Variants in GJA3 observed in about 807,000 individuals in gnomAD.
The protein encoded by GJA3 is gap junction protein alpha 3.
For missense variants in GJA3, 571 were observed against 620.3 expected (o/e 0.92, Z 0.84); for synonymous variants, 297 against 292.6 (o/e 1.02, Z -0.15).
At position 20,138,275 on chromosome 13, in the gene GJA3, T is replaced by C. The variant is rs1424659518; in HGVS notation, c.*3706A>G. 6.6e-6 allele frequency: 1 copy of C among 152,258 alleles called. No homozygotes were observed. The highest frequency in any genetic ancestry group is 1.5e-5 in the Non-Finnish European group (1 of 68,050). The allele number at this position is 152,258 out of a possible 1,614,324, so 9.4% of individuals were successfully genotyped here. On this transcript the variant is annotated 3_prime_UTR_variant, in exon 2 of 2. Coordinates refer to ENST00000241125, the MANE Select transcript of GJA3 (RefSeq NM_021954.4). ...AGTGGTTTAAACTTAAGGGCACTTT[T>C]ATTATTTTAGAAAATGCTTACTTCC...
At position 20,142,719 on chromosome 13, in the gene GJA3, C is replaced by T. The variant is rs752684214; in HGVS notation, c.570G>A (p.Val190=). ...RCDRWPCPNT[V]DCFISRPTEK... is the part of the protein sequence containing the mutation. ...CCGTGGGCCTGGAGATGAAGCAGTC[C>T]ACCGTGTTGGGGCAGGGCCAGCGGT... The change falls in exon 2 of 2, where the codon GTG becomes GTA. Residue 190 remains valine, a synonymous_variant. Transcript: ENST00000241125. The T allele has an allele frequency of 6.2e-7, 1 of 1,613,970 alleles. No individual in the cohort carries two copies. The highest frequency in any genetic ancestry group is 1.1e-5 in the South Asian group (1 of 91,084).
In GJA3 at chr13:20,138,873, G is replaced by A. The variant is rs886050006; in HGVS notation, c.*3108C>T. 10 of 152,262 alleles carry A rather than the reference G, an allele frequency of 6.6e-5. No homozygotes were observed. Among genetic ancestry groups the A allele is most frequent in the East Asian group, 5.8e-4 (3 of 5,188 alleles). The allele number at this position is 152,262 out of a possible 1,614,324, so 9.4% of individuals were successfully genotyped here. A position where few individuals can be genotyped will look rare whatever the true frequency, so the allele number is the denominator to read the frequency against. The stretch of plus-strand genomic sequence containing the variant: ...AATAATACTTTTTAAAAAGCCTAAC[G>A]TGAAAGGAGACCTAAACCCTATTGG... On this transcript the variant is annotated 3_prime_UTR_variant, in exon 2 of 2. Coordinates refer to ENST00000241125, the MANE Select transcript of GJA3 (RefSeq NM_021954.4).
At chr13:20,143,353 C>T in intron 1 of GJA3, 48 bp from the exon 2 acceptor site, 2 of 1,361,730 alleles carry the variant, frequency 1.5e-6, no homozygotes, top group Admixed American at 2.5e-5. Context: ...CGGCTGAGTG[C>T]CGGGTCCGCA....
rs1958797101 is a variant in GJA3 at position 20,139,845 on chromosome 13, T to G, written c.*2136A>C. 1 of 152,232 alleles carries G rather than the reference T, an allele frequency of 6.6e-6. No individual in the cohort carries two copies. 9.4% of individuals were successfully genotyped at this position (152,232 alleles called of 1,614,324 possible). ...CACTCAAAATCAAATTGTGGGTAAATAAGAAGCTTGTTACTGTTATGAACA... is the reference window on the plus strand; with the variant it reads ...CACTCAAAATCAAATTGTGGGTAAAGAAGAAGCTTGTTACTGTTATGAACA... On this transcript the variant is annotated 3_prime_UTR_variant, in exon 2 of 2. Transcript: ENST00000241125.
intron 1 of GJA3, among the ~76,000 whole-genome samples, chr13:20,144,949 G>C (rs1405803956): frequency 6.6e-6 from 1 of 152,354 alleles, no homozygotes; most frequent in African/African-American, 2.4e-5. Context: ...GGGAGGCTAA[G>C]GCGGAAGGAT....
chr13:20,155,902 G>A (rs115121123), intron 1 of GJA3, among the ~76,000 whole-genome samples: 12,942 of 152,040 alleles, frequency 0.085, 792 homozygotes, highest in African/African-American at 0.17. Context: ...GCAGAGATAT[G>A]TGGGTTCTAT....
chr13:20,142,646 G>C lies in GJA3; in HGVS notation c.643C>G (p.Leu215Val). 3 of 1,613,584 alleles carry C rather than the reference G, an allele frequency of 1.9e-6. No homozygotes were observed. Among genetic ancestry groups the C allele is most frequent in the East Asian group, 2.2e-5 (1 of 44,834 alleles). The change falls in exon 2 of 2, where the codon CTG (leucine) becomes GTG (valine). Residue 215 changes from leucine (L) to valine (V), a missense_variant. By Grantham distance (32) the Leu-to-Val change is conservative. Transcript: ENST00000241125. ...IFMLAVACAS[L>V]LLNMLEIYHL... ...TAGATCTCCAGCATGTTGAGCAGCAGGGACGCGCAGGCCACCGCCAGCATG... is the reference window on the plus strand; with the variant it reads ...TAGATCTCCAGCATGTTGAGCAGCACGGACGCGCAGGCCACCGCCAGCATG...
chr13:20,160,824 C>T (rs759017431), intron 1 of GJA3, 66 bp downstream of exon 1: 12 of 152,002 alleles, frequency 7.9e-5, no homozygotes, highest in Non-Finnish European at 1.2e-4. Flanking sequence ...CGCCGACCCG[C>T]CCGTCCCCGC....
In GJA3 at chr13:20,138,943, T is replaced by C. The variant is rs1442330452; in HGVS notation, c.*3038A>G. 6.6e-6 allele frequency: 1 copy of C among 152,226 alleles called. No homozygotes were observed. Among genetic ancestry groups the C allele is most frequent in the Non-Finnish European group, 1.5e-5 (1 of 68,030 alleles). The allele number at this position is 152,226 out of a possible 1,614,324, so 9.4% of individuals were successfully genotyped here. On this transcript the variant is annotated 3_prime_UTR_variant, in exon 2 of 2. Transcript: ENST00000241125. The stretch of plus-strand genomic sequence containing the variant: ...ATGTTTAAATTATATTCATAGTTAT[T>C]AGTCCAGGTATTCTTGTGTAGGAAT...
intron 1 of GJA3, among the ~76,000 whole-genome samples, 171 bp from the exon 2 acceptor site, chr13:20,143,476 G>A (rs1958825384): frequency 6.6e-6 from 1 of 152,222 alleles, no homozygotes; most frequent in South Asian, 2.1e-4. Flanking sequence ...CACTACACAA[G>A]TGCAAGCGTC....
chr13:20,149,152 A>G (rs1214898162), intron 1 of GJA3, among the ~76,000 whole-genome samples: 2 of 152,160 alleles, frequency 1.3e-5, no homozygotes, highest in Non-Finnish European at 2.9e-5. Flanking sequence ...CCTCAGTGAC[A>G]GTCTTGCTCT....
chr13:20,144,625 C>T (rs1461100519), intron 1 of GJA3, among the ~76,000 whole-genome samples: 2 of 152,152 alleles, frequency 1.3e-5, no homozygotes, highest in East Asian at 1.9e-4. Flanking sequence ...GCAGCTTCCT[C>T]TCTCAGCCTG....
chr13:20,152,940 G>A (rs1958887177), intron 1 of GJA3, among the ~76,000 whole-genome samples: 1 of 152,130 alleles, frequency 6.6e-6, no homozygotes, highest in Non-Finnish European at 1.5e-5. Flanking sequence ...TTCTACGAGG[G>A]CATGGTGAGC....
chr13:20,153,822 G>A (rs1226861101), intron 1 of GJA3, among the ~76,000 whole-genome samples: 1 of 150,898 alleles, frequency 6.6e-6, no homozygotes, highest in Non-Finnish European at 1.5e-5. Flanking sequence ...AAGAAAAGCA[G>A]GCCTTTAAAA....
chr13:20,142,252 G>A lies in GJA3; in HGVS notation c.1037C>T (p.Ala346Val), dbSNP rs769194838. Residue 346 changes from alanine to valine, a missense_variant, in exon 2 of 2, where the codon GCG becomes GTG. By Grantham distance (64) the Ala-to-Val change is moderately conservative. Transcript: ENST00000241125. ...GGGGCTGGGGGCTGCAGGCGTGGAC[G>A]CTGCCGGGTAAGCCTTGAGCGCCGG... is the stretch of plus-strand genomic sequence containing the variant. Reference protein sequence around the residue: ...QPPALKAYPAASTPAAPSPVG... With the variant: ...QPPALKAYPAVSTPAAPSPVG... 3 of 1,545,654 alleles carry A rather than the reference G, an allele frequency of 1.9e-6. No homozygotes were observed. The highest frequency in any genetic ancestry group is 1.7e-6 in the Non-Finnish European group (2 of 1,150,220).
chr13:20,160,201 G>C (rs906707687), intron 1 of GJA3, among the ~76,000 whole-genome samples: 1 of 152,098 alleles, frequency 6.6e-6, no homozygotes, highest in Non-Finnish European at 1.5e-5. Context: ...CTACGGGAAG[G>C]GGCTCGGACA....
chr13:20,156,699 G>T (rs2141145832), intron 1 of GJA3, among the ~76,000 whole-genome samples: 1 of 152,224 alleles, frequency 6.6e-6, no homozygotes, highest in African/African-American at 2.4e-5. Flanking sequence ...CTCGAGAATG[G>T]CAAAATTTAA....
rs1958824242 is a variant in GJA3, at chr13:20,143,324, C to G, written c.-17-19G>C. 1 of 1,487,236 alleles carries G rather than the reference C, an allele frequency of 6.7e-7. No individual in the cohort carries two copies. The highest frequency in any genetic ancestry group is 8.9e-7 in the Non-Finnish European group (1 of 1,120,398). The allele number at this position is 1,487,236 out of a possible 1,614,324, so 92.1% of individuals were successfully genotyped here. Reference sequence around the variant, plus strand: ...TCCTAACCTGTAAGAGGAAAATGCTCATGAACACCGGGCTGCAACGGCTGA... The same window carrying G: ...TCCTAACCTGTAAGAGGAAAATGCTGATGAACACCGGGCTGCAACGGCTGA... On this transcript the variant is annotated intron_variant, in intron 1 of 1. Transcript: ENST00000241125.
At position 20,140,196 on chromosome 13, in the gene GJA3, C is replaced by A. The variant is rs1364655464; in HGVS notation, c.*1785G>T. The A allele has an allele frequency of 6.6e-6, 1 of 152,130 alleles. No individual in the cohort carries two copies. Among genetic ancestry groups the A allele is most frequent in the Admixed American group, 6.5e-5 (1 of 15,270 alleles). 9.4% of individuals were successfully genotyped at this position (152,130 alleles called of 1,614,324 possible). ...AAGGGCTAATTTCTCTCTTGTCAAT[C>A]TGGTTGAGAAAGTCTCTGAGGAGAC... On this transcript the variant is annotated 3_prime_UTR_variant, in exon 2 of 2. Transcript: ENST00000241125.
Sources: gnomAD v4.1 joint callset for allele counts (sites outside exome capture counted in the v4.1 genomes callset) on GRCh38, gnomAD v4.1.1 for gene constraint, MANE v1.5 for transcripts, NCBI Gene and HGNC (gene_info 2026-07-23, HGNC 2026-07-21) for gene names.